The following USP37 variants were observed in gnomAD, a reference collection of about 807,000 sequenced individuals.
USP37 encodes the protein ubiquitin carboxyl-terminal hydrolase 37.
In USP37, 27 loss-of-function variants were observed where a neutral mutation model predicts 124.0. That is an observed-to-expected ratio of 0.22 (90% CI 0.16 to 0.30). The LOEUF (loss-of-function observed/expected upper bound fraction) is 0.30. Among genes scored for constraint, USP37 ranks in the 10% least tolerant of loss-of-function variants. USP37 has a pLI of 1.00. For missense variants in USP37, 889 were observed against 1,140.4 expected, an observed-to-expected ratio of 0.78 and a Z score of 3.17; for synonymous variants, 365 against 388.0, an observed-to-expected ratio of 0.94 and a Z score of 0.70.
rs551468200 is a variant in USP37 at position 218,487,508 on chromosome 2, A to G, written c.1590+796T>C. Among the ~76,000 whole-genome samples, 5 of 151,440 alleles carry G rather than the reference A, an allele frequency of 3.3e-5. No individual in the cohort carries two copies. The South Asian group carries it at 1.0e-3, about 32-fold the overall frequency. ...TGATCTTGGCTCACTGCAACCTCCC[A>G]CTCCCAGGTTCAAGTGATTTTCCTG... On this transcript the variant is annotated intron_variant, in intron 15 of 25. Transcript: ENST00000258399.
At chr2:218,486,499 T>G (rs1323655115) in intron 15 of USP37, 1 of 152,348 alleles carries the variant, frequency 6.6e-6, no homozygotes, top group Non-Finnish European at 1.5e-5. Flanking sequence ...CTCAGCTCAC[T>G]GCAACCTCCA....
At chr2:218,514,594 G>A (rs1322288401) in intron 10 of USP37, among the ~76,000 whole-genome samples, 2 of 151,994 alleles carry the variant, frequency 1.3e-5, no homozygotes, top group Non-Finnish European at 2.9e-5. Flanking sequence ...TCTTGGTTAA[G>A]GTATCTTCTG....
chr2:218,542,948 G>C (rs1692069055), intron 8 of USP37, among the ~76,000 whole-genome samples: 1 of 152,206 alleles, frequency 6.6e-6, no homozygotes, highest in South Asian at 2.1e-4. Flanking sequence ...GGCTTAGTAA[G>C]AGGATAGGGA....
At chr2:218,546,049 T>A (rs1473548861) in intron 8 of USP37, among the ~76,000 whole-genome samples, 172 bp downstream of exon 8, 3 of 152,156 alleles carry the variant, frequency 2.0e-5, no homozygotes, top group African/African-American at 7.2e-5. Flanking sequence ...ACTGGCTAAT[T>A]TCCCTCTCTA....
At chr2:218,543,512 A>C (rs1692108735) in intron 8 of USP37, among the ~76,000 whole-genome samples, 1 of 147,416 alleles carries the variant, frequency 6.8e-6, no homozygotes, top group Admixed American at 6.8e-5. Flanking sequence ...AAAAAAAAAA[A>C]AAAAAAAAAA....
chr2:218,554,731 A>G (rs1024390053), intron 4 of USP37, among the ~76,000 whole-genome samples: 6 of 144,980 alleles, frequency 4.1e-5, no homozygotes, highest in African/African-American at 1.2e-4. Context: ...TGGATGACAG[A>G]GCAAAACTTT....
chr2:218,546,040 C>T lies in USP37; in HGVS notation c.680+181G>A, dbSNP rs17572743. On this transcript the variant is annotated intron_variant, in intron 8 of 25. Coordinates refer to ENST00000258399, the MANE Select transcript of USP37 (RefSeq NM_020935.3). ...CAATGAAATGACCAAAGCAATAGCA[C>T]TGGCTAATTTCCCTCTCTATTGAGC... Among the ~76,000 whole-genome samples, 836 of 152,290 alleles carry T rather than the reference C, an allele frequency of 5.5e-3. 7 individuals carry two copies. The highest frequency in any genetic ancestry group is 6.6e-3 in the Non-Finnish European group (450 of 68,026).
intron 15 of USP37, among the ~76,000 whole-genome samples, chr2:218,487,914 T>G (rs1402775636): frequency 1.3e-5 from 2 of 151,118 alleles, no homozygotes; most frequent in Non-Finnish European, 3.0e-5. Context: ...CCAGGTGTGG[T>G]GGCTCACACC....
chr2:218,492,093 C>T (rs1490010180), intron 14 of USP37, among the ~76,000 whole-genome samples: 4 of 151,988 alleles, frequency 2.6e-5, no homozygotes, highest in East Asian at 1.9e-4. Context: ...CCCAGCTATT[C>T]GGGAGGCTGC....
intron 14 of USP37, among the ~76,000 whole-genome samples, chr2:218,494,414 A>G (rs901227250): frequency 3.3e-5 from 5 of 151,320 alleles, no homozygotes; most frequent in African/African-American, 1.2e-4. Flanking sequence ...AGGCTCTACC[A>G]TATTAAGGCA....
intron 11 of USP37, among the ~76,000 whole-genome samples, chr2:218,509,249 A>G (rs1418407793): frequency 6.6e-6 from 1 of 152,264 alleles, no homozygotes; most frequent in Non-Finnish European, 1.5e-5. Context: ...ATGCAACTGC[A>G]GCACTACTGC....
At chr2:218,562,891 C>T (rs1347540693) in intron 1 of USP37, 78 bp from the exon 2 acceptor site, 5 of 390,556 alleles carry the variant, frequency 1.3e-5, no homozygotes, top group East Asian at 1.1e-4. Context: ...GGGCTGGGCA[C>T]GGTGGCTGAC....
intron 13 of USP37, 45 bp from the exon 14 acceptor site, chr2:218,495,995 T>A (rs1689060615): frequency 2.0e-5 from 31 of 1,555,620 alleles, no homozygotes; most frequent in Non-Finnish European, 2.6e-5. Flanking sequence ...ACATTTCTTG[T>A]CACAATAGCT....
At chr2:218,553,502 C>T (rs1692779261) in intron 5 of USP37, 51 bp downstream of exon 5, 23 of 1,526,372 alleles carry the variant, frequency 1.5e-5, no homozygotes, top group Non-Finnish European at 2.0e-5. Context: ...GTAGTCTAGT[C>T]ATAGCCTTGT....
At position 218,474,617 on chromosome 2, in the gene USP37, T is replaced by TGG; in HGVS notation, c.2299+12_2299+13insCC. ...GTTTTGTTTCACAGAGGTTTAATCT[T>TGG]CATTAAACCTACCCAGCTCTGTGAT... On this transcript the variant is annotated intron_variant, in intron 20 of 25. Coordinates refer to ENST00000258399, the MANE Select transcript of USP37 (RefSeq NM_020935.3). 1 of 1,613,258 alleles carries TGG rather than the reference T, an allele frequency of 6.2e-7. No homozygotes were observed. The highest frequency in any genetic ancestry group is 8.5e-7 in the Non-Finnish European group (1 of 1,179,714).
intron 10 of USP37, 61 bp from the exon 11 acceptor site, chr2:218,510,201 T>G: frequency 6.5e-7 from 1 of 1,538,624 alleles, no homozygotes; most frequent in Non-Finnish European, 8.8e-7. Context: ...CTATTTTCCT[T>G]GAATAGATTA....
At chr2:218,543,431 G>A (rs867348233) in intron 8 of USP37, among the ~76,000 whole-genome samples, 49 of 147,016 alleles carry the variant, frequency 3.3e-4, no homozygotes, top group African/African-American at 1.2e-3. Context: ...GAACCCAGGA[G>A]GCGGAGATTG....
intron 16 of USP37, 97 bp downstream of exon 16, chr2:218,485,567 T>C: frequency 7.6e-7 from 1 of 1,308,148 alleles, no homozygotes; most frequent in Non-Finnish European, 1.0e-6. Context: ...TTCAGTAATA[T>C]TTGTATGAAC....
rs537516085 is a variant in USP37, at chr2:218,503,347, G to C, written c.1026-5190C>G. On this transcript the variant is annotated intron_variant, in intron 11 of 25. Coordinates refer to ENST00000258399, the MANE Select transcript of USP37 (RefSeq NM_020935.3). ...AACACCAAATAATACACTTTAAATA[G>C]GTAACTACACGGTACGTGAATTTTT... is the stretch of plus-strand genomic sequence containing the variant. Among the ~76,000 whole-genome samples the C allele has an allele frequency of 2.0e-5, 3 of 152,346 alleles. No homozygotes were observed. In the South Asian group the frequency reaches 6.2e-4, roughly 32 times the overall value.
Sources: allele counts gnomAD v4.1 joint callset (sites outside exome capture counted in the v4.1 genomes callset), GRCh38; gene constraint gnomAD v4.1.1; transcripts MANE v1.5; gene names NCBI Gene and HGNC (gene_info 2026-07-23, HGNC 2026-07-21).